CTTNBP2: variants seen among roughly 807,000 people sequenced by gnomAD.
The protein encoded by CTTNBP2 is cortactin binding protein 2.
Under a neutral mutation model 156.9 loss-of-function variants are expected in CTTNBP2, and 108 were observed. The ratio of observed to expected loss-of-function variants is 0.69; its 90% confidence interval spans 0.59 to 0.81. CTTNBP2 has a LOEUF of 0.81. Among genes scored for constraint, CTTNBP2 ranks in the 30% least tolerant of loss-of-function variants. CTTNBP2 has a pLI of 0.00. For missense variants in CTTNBP2, 1,924 were observed against 2,035.4 expected, an observed-to-expected ratio of 0.95 and a Z score of 1.05; for synonymous variants, 767 against 751.8, an observed-to-expected ratio of 1.02 and a Z score of -0.33.
At chr7:117,723,369 C>T (rs1250841239) in intron 19 of CTTNBP2, among the ~76,000 whole-genome samples, 1 of 151,936 alleles carries the variant, frequency 6.6e-6, no homozygotes, top group Admixed American at 6.6e-5. Context: ...TAACTAAAAG[C>T]AACTTTATGT....
chr7:117,850,441 A>G (rs1241576329), intron 2 of CTTNBP2, among the ~76,000 whole-genome samples: 1 of 152,204 alleles, frequency 6.6e-6, no homozygotes, highest in Non-Finnish European at 1.5e-5. Context: ...CCAAAGAATG[A>G]CAGATAAATA....
intron 20 of CTTNBP2, among the ~76,000 whole-genome samples, chr7:117,720,158 C>T (rs142763630): frequency 4.1e-4 from 62 of 151,870 alleles, no homozygotes; most frequent in Middle Eastern, 6.8e-3. Context: ...CAGAAAATAG[C>T]GTGCCATGCA....
chr7:117,744,768 G>A (rs747317115), intron 14 of CTTNBP2, among the ~76,000 whole-genome samples: 9 of 152,080 alleles, frequency 5.9e-5, no homozygotes, highest in Non-Finnish European at 8.8e-5. Flanking sequence ...GTGCTGGGGC[G>A]TGCCTGTAGT....
chr7:117,808,466 CCAAA>C (rs1451603987), intron 3 of CTTNBP2, among the ~76,000 whole-genome samples: 1 of 152,130 alleles, frequency 6.6e-6, no homozygotes, highest in Non-Finnish European at 1.5e-5. Context: ...ACACAAATTA[CCAAA>C]CAGTTAACCC....
chr7:117,806,899 C>A (rs1419804966), intron 3 of CTTNBP2, among the ~76,000 whole-genome samples: 1 of 151,990 alleles, frequency 6.6e-6, no homozygotes, highest in African/African-American at 2.4e-5. Flanking sequence ...GCTGGGATTA[C>A]AGGTGCATGC....
At chr7:117,834,051 T>C (rs896293216) in intron 2 of CTTNBP2, among the ~76,000 whole-genome samples, 1 of 112,160 alleles carries the variant, frequency 8.9e-6, no homozygotes, top group Non-Finnish European at 1.9e-5. Flanking sequence ...TTCTTTTTTC[T>C]TTCTTCTTTT....
chr7:117,728,715 TC>T (rs1795241236), intron 16 of CTTNBP2, among the ~76,000 whole-genome samples: 1 of 152,222 alleles, frequency 6.6e-6, no homozygotes, highest in African/African-American at 2.4e-5. Context: ...AACATATCCA[TC>T]CCTTTACATA....
chr7:117,724,208 T>A (rs1489299338), intron 19 of CTTNBP2, among the ~76,000 whole-genome samples: 1 of 152,018 alleles, frequency 6.6e-6, no homozygotes, highest in Non-Finnish European at 1.5e-5. Context: ...AGGAGTGACA[T>A]AATGGAGAAA....
At chr7:117,817,933 C>A (rs1289621993) in intron 2 of CTTNBP2, among the ~76,000 whole-genome samples, 1 of 152,096 alleles carries the variant, frequency 6.6e-6, no homozygotes, top group African/African-American at 2.4e-5. Flanking sequence ...TCAACCCAGG[C>A]AAGTCTTACT....
At chr7:117,852,777 A>T (rs1368099135) in intron 2 of CTTNBP2, among the ~76,000 whole-genome samples, 3 of 152,200 alleles carry the variant, frequency 2.0e-5, no homozygotes, top group African/African-American at 7.2e-5. Context: ...TTTGAAATTT[A>T]CAATTGATTA....
intron 12 of CTTNBP2, among the ~76,000 whole-genome samples, chr7:117,749,723 C>T (rs1796526752): frequency 6.6e-6 from 1 of 151,394 alleles, no homozygotes; most frequent in Non-Finnish European, 1.5e-5. Flanking sequence ...TTTTTTTAAT[C>T]ACCAGGAAGA....
chr7:117,792,606 G>C lies in CTTNBP2; in HGVS notation c.590C>G (p.Ala197Gly). The change falls in exon 4 of 23, where the codon GCC becomes GGC. Residue 197 changes from alanine to glycine, a missense_variant. By Grantham distance (60) the Ala-to-Gly change is moderately conservative. Coordinates refer to ENST00000160373, the MANE Select transcript of CTTNBP2 (RefSeq NM_033427.3). This position sits in a 1 kb window ranked among gnomAD's most constrained non-coding sequence, Gnocchi z 4.2. ...EEAQKLEDVM[A>G]KLEEEKKKTN... ...CTTTTTCTTTTCCTCTTCCAGTTTG[G>C]CCATTACGTCTTCGAGCTTCTGGGC... 1 of 1,613,934 alleles carries C rather than the reference G, an allele frequency of 6.2e-7. No homozygotes were observed. Among genetic ancestry groups the C allele is most frequent in the Non-Finnish European group, 8.5e-7 (1 of 1,179,990 alleles).
intron 12 of CTTNBP2, among the ~76,000 whole-genome samples, chr7:117,746,603 T>C (rs1443566445): frequency 6.6e-6 from 1 of 152,230 alleles, no homozygotes; most frequent in Non-Finnish European, 1.5e-5. Context: ...TCCAGTTTTT[T>C]CTTTGCATAG....
chr7:117,791,302 C>G lies in CTTNBP2; in HGVS notation c.1894G>C (p.Ala632Pro). 7 of 1,614,098 alleles carry G rather than the reference C, an allele frequency of 4.3e-6. No homozygotes were observed. Among genetic ancestry groups the G allele is most frequent in the Non-Finnish European group, 5.9e-6 (7 of 1,180,016 alleles). Residue 632 changes from alanine to proline, a missense_variant, in exon 4 of 23, where the codon GCC becomes CCC. Ala to Pro is a conservative substitution (Grantham distance 27, BLOSUM62 -1). Transcript: ENST00000160373. ...APAGCAVSALATSQVGAWPAA... is the reference protein window; with the variant it reads ...APAGCAVSALPTSQVGAWPAA... ...GGCCAGGCACCCACCTGAGACGTGG[C>G]CAGGGCTGAAACGGCACAGCCTGCA...
At chr7:117,864,678 T>TAGATGTATGAA (rs1554451686) in intron 1 of CTTNBP2, among the ~76,000 whole-genome samples, 41 of 83,648 alleles carry the variant, frequency 4.9e-4, no homozygotes, top group South Asian at 2.8e-3. Flanking sequence ...ATTCATATAT[T>TAGATGTATGAA]TATATATATT....
intron 4 of CTTNBP2, among the ~76,000 whole-genome samples, chr7:117,787,559 A>G (rs565707280): frequency 5.9e-5 from 9 of 152,244 alleles, no homozygotes; most frequent in South Asian, 2.1e-4. Flanking sequence ...AAGAAAAAAC[A>G]GAAAAAACAA....
chr7:117,745,853 T>C lies in CTTNBP2; in HGVS notation c.3513A>G (p.Leu1171=), dbSNP rs935141271. The C allele has an allele frequency of 1.9e-6, 3 of 1,613,216 alleles. No individual in the cohort carries two copies. Among genetic ancestry groups the C allele is most frequent in the African/African-American group, 1.3e-5 (1 of 75,056 alleles). The part of the protein sequence containing the change: ...EVDAGFSKEQ[L]LDLFISSACL... ...TACCGCTACTAATGAACAGGTCTAGTAGCTGTTCCTTGGAAAAACCAGCAT... is the reference window on the plus strand; with the variant it reads ...TACCGCTACTAATGAACAGGTCTAGCAGCTGTTCCTTGGAAAAACCAGCAT... Residue 1171 remains leucine, a synonymous_variant, in exon 14 of 23, where the codon CTA becomes CTG. Transcript: ENST00000160373.
chr7:117,823,725 G>T (rs563311668), intron 2 of CTTNBP2, among the ~76,000 whole-genome samples: 2 of 152,244 alleles, frequency 1.3e-5, no homozygotes, highest in South Asian at 2.1e-4. Flanking sequence ...TGGAGACAGG[G>T]TCTTGCTCTG....
intron 7 of CTTNBP2, among the ~76,000 whole-genome samples, chr7:117,779,387 T>C (rs181889209): frequency 6.6e-6 from 1 of 152,320 alleles, no homozygotes; most frequent in East Asian, 1.9e-4. Flanking sequence ...TGTTTATCTC[T>C]GGAGTTTTGA....
Sources: gnomAD v4.1 joint callset for allele counts (sites outside exome capture counted in the v4.1 genomes callset) on GRCh38, gnomAD v4.1.1 for gene constraint, Gnocchi (gnomAD v3.1) non-coding constraint, MANE v1.5 for transcripts, NCBI Gene and HGNC (gene_info 2026-07-23, HGNC 2026-07-21) for gene names.